Variants in SYNGR1 observed in about 807,000 individuals in gnomAD.
The protein encoded by SYNGR1 is synaptogyrin 1.
Under a neutral mutation model 26.1 loss-of-function variants are expected in SYNGR1, and 14 were observed. That is an observed-to-expected ratio of 0.54 (90% CI 0.35 to 0.84). The LOEUF (loss-of-function observed/expected upper bound fraction) is 0.84, where lower values mean the gene tolerates loss of function less well. Among genes scored for constraint, SYNGR1 ranks in the 40% least tolerant of loss-of-function variants. SYNGR1 has a pLI of 0.01. For synonymous variants in SYNGR1, 141 were observed against 150.1 expected, an observed-to-expected ratio of 0.94 and a Z score of 0.44; for missense variants, 319 against 332.9, an observed-to-expected ratio of 0.96 and a Z score of 0.33.
rs1313476809 is a variant in SYNGR1 at position 39,350,582 on chromosome 22, G to C, written c.99+473G>C. On this transcript the variant is annotated intron_variant, in intron 1 of 3. Coordinates refer to ENST00000328933, the MANE Select transcript of SYNGR1 (RefSeq NM_004711.5). The surrounding 1 kb of genome is among the most constrained non-coding windows in gnomAD (Gnocchi z 4.3). ...GGACGTTGGAGGAGGAGAGGGCCGG[G>C]AACCGGGTTCGTATTGCCTAGCCCG... is the stretch of plus-strand genomic sequence containing the variant. Among the ~76,000 whole-genome samples, 3 of 152,174 alleles carry C rather than the reference G, an allele frequency of 2.0e-5. No individual in the cohort carries two copies. The East Asian group carries it at 5.8e-4, about 29-fold the overall frequency.
At chr22:39,372,877 T>G (rs1925094468) in intron 1 of SYNGR1, among the ~76,000 whole-genome samples, 1 of 152,084 alleles carries the variant, frequency 6.6e-6, no homozygotes, top group Non-Finnish European at 1.5e-5. Context: ...CTAAAGACCC[T>G]CAGTTCCTTG....
chr22:39,359,877 G>A (rs867451822), intron 1 of SYNGR1, among the ~76,000 whole-genome samples: 38 of 152,000 alleles, frequency 2.5e-4, no homozygotes, highest in Admixed American at 6.6e-4. Flanking sequence ...CCATCCAGGC[G>A]TCTCCTCCAA....
chr22:39,351,248 G>A (rs1923893923), intron 1 of SYNGR1, among the ~76,000 whole-genome samples: 1 of 152,318 alleles, frequency 6.6e-6, no homozygotes, highest in South Asian at 2.1e-4. Flanking sequence ...GCTACCCCAA[G>A]GCCAGCTGTG....
chr22:39,366,149 G>A (rs6001557), intron 1 of SYNGR1, among the ~76,000 whole-genome samples: 1 of 151,136 alleles, frequency 6.6e-6, no homozygotes, highest in African/African-American at 2.4e-5. Flanking sequence ...ATTTTTAGTA[G>A]AGATGGGGTT....
chr22:39,368,381 C>G (rs1309377879), intron 1 of SYNGR1, among the ~76,000 whole-genome samples: 2 of 152,164 alleles, frequency 1.3e-5, no homozygotes, highest in African/African-American at 4.8e-5. Flanking sequence ...CAGTCTTGCT[C>G]CCCACACAAT....
In SYNGR1 at chr22:39,377,548, C is replaced by G; in HGVS notation, c.483+1351C>G. 5 of 1,599,630 alleles carry G rather than the reference C, an allele frequency of 3.1e-6. No individual in the cohort carries two copies. The South Asian group carries it at 4.5e-5, about 14-fold the overall frequency. ...CCCCTGAAGCCAGCCTCCCTCCTGG[C>G]ACCTCTGCAGCTCTTCCCCACTGGC... On this transcript the variant is annotated intron_variant, in intron 3 of 3. Coordinates refer to ENST00000328933, the MANE Select transcript of SYNGR1 (RefSeq NM_004711.5).
chr22:39,377,179 C>T, intron 3 of SYNGR1: 1 of 1,458,754 alleles, frequency 6.9e-7, no homozygotes, highest in Non-Finnish European at 9.0e-7. Flanking sequence ...CCCCATCCTT[C>T]TGGTTTGCCC....
chr22:39,356,882 C>T (rs1485006588), intron 1 of SYNGR1, among the ~76,000 whole-genome samples: 2 of 152,242 alleles, frequency 1.3e-5, no homozygotes, highest in African/African-American at 2.4e-5. Flanking sequence ...TGGTGGATCC[C>T]GACCTTTCCA....
At chr22:39,378,017 C>A in intron 3 of SYNGR1, 1 of 1,203,892 alleles carries the variant, frequency 8.3e-7, no homozygotes, top group Non-Finnish European at 1.1e-6. Flanking sequence ...AATGGACAGC[C>A]GTGGACAGTT....
chr22:39,353,775 C>T (rs1305398058), intron 1 of SYNGR1, among the ~76,000 whole-genome samples: 5 of 152,202 alleles, frequency 3.3e-5, no homozygotes, highest in East Asian at 3.8e-4. Flanking sequence ...GAAAGGACCA[C>T]CTTTTATTTG....
At chr22:39,364,267 G>A in intron 1 of SYNGR1, 1 of 1,614,102 alleles carries the variant, frequency 6.2e-7, no homozygotes, top group Non-Finnish European at 8.5e-7. Flanking sequence ...GAGGTCGTGG[G>A]TGAGCTGGAG....
chr22:39,357,945 C>T lies in SYNGR1; in HGVS notation c.99+7836C>T, dbSNP rs182352710. On this transcript the variant is annotated intron_variant, in intron 1 of 3. Transcript: ENST00000328933. ...ATGAGCACCACCCCCTGCTCCACGG[C>T]GCCTAGTCCCATCGACCACCCAAGG... is the stretch of plus-strand genomic sequence containing the variant. Among the ~76,000 whole-genome samples, 337 of 152,380 alleles carry T rather than the reference C, an allele frequency of 2.2e-3. 2 individuals are homozygous for T. The highest frequency in any genetic ancestry group is 7.7e-3 in the African/African-American group (322 of 41,590).
intron 1 of SYNGR1, among the ~76,000 whole-genome samples, chr22:39,368,536 C>T (rs1924876510): frequency 6.6e-6 from 1 of 152,268 alleles, no homozygotes; most frequent in Non-Finnish European, 1.5e-5. Flanking sequence ...CGCCCAGTCC[C>T]TCCGAAGCTA....
At chr22:39,358,708 T>G (rs1247068425) in intron 1 of SYNGR1, among the ~76,000 whole-genome samples, 1 of 151,992 alleles carries the variant, frequency 6.6e-6, no homozygotes, top group African/African-American at 2.4e-5. Context: ...ACGCACCACC[T>G]TAAGAGCTGT....
intron 1 of SYNGR1, among the ~76,000 whole-genome samples, chr22:39,354,708 G>A (rs750438005): frequency 1.2e-4 from 18 of 152,088 alleles, no homozygotes; most frequent in Non-Finnish European, 1.9e-4. Flanking sequence ...GCGTGGTGGC[G>A]GTCGCCTGTT....
chr22:39,365,392 C>T (rs759342909), intron 1 of SYNGR1, among the ~76,000 whole-genome samples: 4 of 152,160 alleles, frequency 2.6e-5, no homozygotes, highest in African/African-American at 9.7e-5. Context: ...GCTGCGAGAC[C>T]TGTGCAGGTC....
chr22:39,360,365 C>G (rs892248641), intron 1 of SYNGR1, among the ~76,000 whole-genome samples: 1 of 152,182 alleles, frequency 6.6e-6, no homozygotes, highest in Non-Finnish European at 1.5e-5. Context: ...GAGTTGTCAC[C>G]GTCTCCAGGG....
At position 39,350,095 on chromosome 22, in the gene SYNGR1, C is replaced by A. The variant is rs748758069; in HGVS notation, c.85C>A (p.Arg29Ser). 4 of 1,468,946 alleles carry A rather than the reference C, an allele frequency of 2.7e-6. No homozygotes were observed. The highest frequency in any genetic ancestry group is 3.6e-6 in the Non-Finnish European group (4 of 1,098,250). The allele number at this position is 1,468,946 out of a possible 1,614,324, so 91.0% of individuals were successfully genotyped here. The change falls in exon 1 of 4, where the codon CGC becomes AGC. Residue 29 changes from arginine to serine, a missense_variant. Physicochemically the swap from Arg to Ser is moderately radical, Grantham distance 110 (BLOSUM62 -1). Coordinates refer to ENST00000328933, the MANE Select transcript of SYNGR1 (RefSeq NM_004711.5). The surrounding 1 kb of genome is among the most constrained non-coding windows in gnomAD (Gnocchi z 4.3). ...TLVRQPHTIL[R>S]VVSWLFSIVV... Reference sequence around the variant, plus strand: ...GGTCCGGCAGCCGCACACCATCCTGCGCGTCGTGTCTTGGGTAAGGACGGA... The same window carrying A: ...GGTCCGGCAGCCGCACACCATCCTGAGCGTCGTGTCTTGGGTAAGGACGGA...
intron 3 of SYNGR1, among the ~76,000 whole-genome samples, chr22:39,378,705 G>T (rs1925396258): frequency 6.6e-6 from 1 of 152,216 alleles, no homozygotes; most frequent in South Asian, 2.1e-4. Context: ...CCTGCTGCAC[G>T]CTGGAGATGC....
Sources: gnomAD v4.1 joint callset for allele counts (sites outside exome capture counted in the v4.1 genomes callset) on GRCh38, gnomAD v4.1.1 for gene constraint, Gnocchi (gnomAD v3.1) non-coding constraint, MANE v1.5 for transcripts, NCBI Gene and HGNC (gene_info 2026-07-23, HGNC 2026-07-21) for gene names.